The following ENTPD1 variants were observed in gnomAD, a reference collection of about 807,000 sequenced individuals.
ENTPD1 encodes ATP diphosphohydrolase.
A neutral mutation model predicts 57.0 loss-of-function variants in ENTPD1; 33 were observed. That is an observed-to-expected ratio of 0.58 (90% CI 0.44 to 0.77). The LOEUF (loss-of-function observed/expected upper bound fraction) is 0.77, where lower values mean the gene tolerates loss of function less well. Ranked by LOEUF, ENTPD1 falls within the 30% of genes least tolerant of loss-of-function variation. ENTPD1 has a pLI of 0.00. For synonymous variants in ENTPD1, 202 were observed against 218.8 expected, an observed-to-expected ratio of 0.92 and a Z score of 0.68; for missense variants, 501 against 603.4, an observed-to-expected ratio of 0.83 and a Z score of 1.78.
chr10:95,843,172 T>C (rs892318267), intron 4 of ENTPD1: 1 of 152,216 alleles, frequency 6.6e-6, no homozygotes, highest in Admixed American at 6.5e-5. Flanking sequence ...ACAGACAGCA[T>C]GCATTCAGTA....
chr10:95,868,054 T>C lies in ENTPD1; in HGVS notation c.*1671T>C, dbSNP rs2098476338. 1 of 985,150 alleles carries C rather than the reference T, an allele frequency of 1.0e-6. No homozygotes were observed. Among genetic ancestry groups the C allele is most frequent in the East Asian group, 1.1e-4 (1 of 8,834 alleles). The allele number at this position is 985,150 out of a possible 1,614,324, so 61.0% of individuals were successfully genotyped here. ...GCTGCTGTTGGTTGAGCATTTGTGG[T>C]GTACCACGCTGTGTGCTCAAGGGTA... is the stretch of plus-strand genomic sequence containing the variant. On this transcript the variant is annotated 3_prime_UTR_variant, in exon 10 of 10. Coordinates refer to ENST00000371205, the MANE Select transcript of ENTPD1 (RefSeq NM_001776.6).
intron 2 of ENTPD1, among the ~76,000 whole-genome samples, chr10:95,828,900 G>A (rs1010784021): frequency 1.3e-4 from 19 of 151,986 alleles, no homozygotes; most frequent in Non-Finnish European, 2.4e-4. Context: ...TACTAGAGAC[G>A]GGGTTTCTCC....
At chr10:95,788,765 C>T (rs370618341) in intron 1 of ENTPD1, among the ~76,000 whole-genome samples, 5 of 151,990 alleles carry the variant, frequency 3.3e-5, no homozygotes, top group African/African-American at 9.7e-5. Context: ...TACGAGGAGG[C>T]GAGAAAGTAT....
rs773481544 is a variant in ENTPD1, at chr10:95,876,526, T to C, written c.*10143T>C. Reference sequence around the variant, plus strand: ...ATCTCTTGGATTTTTACCTTTGCAATAGTCAACTGAACCATCTTCTTGGAG... The same window carrying C: ...ATCTCTTGGATTTTTACCTTTGCAACAGTCAACTGAACCATCTTCTTGGAG... On this transcript the variant is annotated 3_prime_UTR_variant, in exon 10 of 10. Transcript: ENST00000371205. 144 of 1,231,060 alleles carry C rather than the reference T, an allele frequency of 1.2e-4. No individual in the cohort carries two copies. The highest frequency in any genetic ancestry group is 1.4e-4 in the Non-Finnish European group (139 of 987,636). 76.3% of individuals were successfully genotyped at this position (1,231,060 alleles called of 1,614,324 possible).
At chr10:95,730,631 A>G (rs998812874) in intron 1 of ENTPD1, among the ~76,000 whole-genome samples, 2 of 152,234 alleles carry the variant, frequency 1.3e-5, no homozygotes, top group African/African-American at 4.8e-5. Flanking sequence ...TGGTAAGAAA[A>G]TAATTGTAAG....
At chr10:95,861,170 A>G in intron 8 of ENTPD1, 1 of 155,776 alleles carries the variant, frequency 6.4e-6, no homozygotes, top group Non-Finnish European at 1.4e-5. Context: ...TCCCCAAATC[A>G]GAGTTCTGTT....
At chr10:95,805,275 G>A (rs971459044) in intron 1 of ENTPD1, among the ~76,000 whole-genome samples, 1 of 151,946 alleles carries the variant, frequency 6.6e-6, no homozygotes, top group African/African-American at 2.4e-5. Flanking sequence ...ATCTTTGTTG[G>A]TTTAAAGTCT....
rs1236812134 is a variant in ENTPD1, at chr10:95,809,616, G to GC, written c.17-13620dup. Among the ~76,000 whole-genome samples the GC allele has an allele frequency of 2.5e-5, 3 of 120,024 alleles. No homozygotes were observed. In the South Asian group the frequency reaches 8.8e-4, roughly 35 times the overall value. 78.7% of individuals were successfully genotyped at this position (120,024 alleles called of 152,430 possible). A position where few individuals can be genotyped will look rare whatever the true frequency, so the allele number is the denominator to read the frequency against. On this transcript the variant is annotated intron_variant, in intron 1 of 9. Transcript: ENST00000371205. Reference sequence around the variant, plus strand: ...GACGGGGCGGATGCCAGGCAGAGGCGCTCCCCACCTCCCAGACGGGGCGGA... The same window carrying GC: ...GACGGGGCGGATGCCAGGCAGAGGCGCCTCCCCACCTCCCAGACGGGGCGGA...
chr10:95,740,028 AAC>A (rs2097998753), intron 1 of ENTPD1, among the ~76,000 whole-genome samples: 1 of 152,242 alleles, frequency 6.6e-6, no homozygotes, highest in Non-Finnish European at 1.5e-5. Flanking sequence ...AGCAGCCATC[AAC>A]AGTTAGCTTA....
chr10:95,721,125 G>A (rs2097976938), intron 1 of ENTPD1, among the ~76,000 whole-genome samples: 1 of 152,162 alleles, frequency 6.6e-6, no homozygotes, highest in African/African-American at 2.4e-5. Context: ...GTGACAGAGA[G>A]GTATGCTTCC....
chr10:95,844,526 G>A lies in ENTPD1; in HGVS notation c.464G>A (p.Ser155Asn). ...AGGGTTCTGGATGTGGTGGAGAGGA[G>A]CCTCAGCAACTACCCCTTTGACTTC... ...ADRVLDVVER[S>N]LSNYPFDFQG... The change falls in exon 5 of 10, where the codon AGC (serine) becomes AAC (asparagine). Residue 155 changes from serine (S) to asparagine (N), a missense_variant. Ser to Asn is a conservative substitution (Grantham distance 46). Transcript: ENST00000371205. 1 of 1,614,200 alleles carries A rather than the reference G, an allele frequency of 6.2e-7. No homozygotes were observed. Among genetic ancestry groups the A allele is most frequent in the Non-Finnish European group, 8.5e-7 (1 of 1,180,024 alleles).
chr10:95,717,348 T>G (rs925033317), intron 1 of ENTPD1, among the ~76,000 whole-genome samples: 1 of 150,776 alleles, frequency 6.6e-6, no homozygotes, highest in Non-Finnish European at 1.5e-5. Flanking sequence ...TTTTTTTTTT[T>G]TTTTTTTTTT....
At chr10:95,794,358 T>C (rs2098217736) in intron 1 of ENTPD1, among the ~76,000 whole-genome samples, 1 of 152,186 alleles carries the variant, frequency 6.6e-6, no homozygotes, top group African/African-American at 2.4e-5. Context: ...GCCTACTCTG[T>C]GCAGACACTG....
upstream of ENTPD1, among the ~76,000 whole-genome samples, chr10:95,751,714 C>CAA (rs57785453): frequency 3.2e-3 from 400 of 123,872 alleles, 2 homozygotes; most frequent in South Asian, 6.1e-3. Flanking sequence ...GACATCGTCT[C>CAA]AAAAAAAAAA....
In ENTPD1 at chr10:95,717,337, GT is replaced by G. The variant is rs10609572; in HGVS notation, c.37+5366del. Among the ~76,000 whole-genome samples, 906 of 125,672 alleles carry G rather than the reference GT, an allele frequency of 7.2e-3. 1 individual carries two copies. Among genetic ancestry groups the G allele is most frequent in the Non-Finnish European group, 8.8e-3 (525 of 59,374 alleles). 82.4% of individuals were successfully genotyped at this position (125,672 alleles called of 152,430 possible). ...TCATTGAGGTTCTTGGATCTGCAGG[GT>G]TTTTTTTTTTTTTTTTTTTTTGCAG... On this transcript the variant is annotated intron_variant, in intron 1 of 9. Coordinates refer to the ENTPD1 transcript ENST00000453258.
upstream of ENTPD1, chr10:95,755,942 A>C: frequency 6.8e-7 from 1 of 1,478,384 alleles, no homozygotes; most frequent in Non-Finnish European, 8.9e-7. Context: ...AGAGAGAGAG[A>C]TTTGAATATA....
At chr10:95,860,625 G>C in intron 8 of ENTPD1, 43 bp downstream of exon 8, 1 of 1,547,114 alleles carries the variant, frequency 6.5e-7, no homozygotes. Context: ...TGAGTGCCCT[G>C]TGTCGTTGCT....
chr10:95,719,426 T>C (rs1405089579), intron 1 of ENTPD1, among the ~76,000 whole-genome samples: 1 of 152,214 alleles, frequency 6.6e-6, no homozygotes, highest in Non-Finnish European at 1.5e-5. Flanking sequence ...CTGGCTATTT[T>C]GCCGTACCTG....
chr10:95,823,185 T>C, intron 1 of ENTPD1, 52 bp from the exon 2 acceptor site: 1 of 1,610,612 alleles, frequency 6.2e-7, no homozygotes, highest in Non-Finnish European at 8.5e-7. Context: ...GGGAGGAAAA[T>C]CAGTGTTTTT....
Sources: gnomAD v4.1 joint callset for allele counts (sites outside exome capture counted in the v4.1 genomes callset) on GRCh38, gnomAD v4.1.1 for gene constraint, MANE v1.5 for transcripts, NCBI Gene and HGNC (gene_info 2026-07-23, HGNC 2026-07-21) for gene names.